ALDH18A1: variants seen among roughly 807,000 people sequenced by gnomAD.
ALDH18A1 encodes delta-1-pyrroline-5-carboxylate synthase.
Under a neutral mutation model 88.8 loss-of-function variants are expected in ALDH18A1, and 44 were observed. The ratio of observed to expected loss-of-function variants is 0.50; its 90% CI spans 0.39 to 0.64. The LOEUF (loss-of-function observed/expected upper bound fraction) is 0.64, where lower values mean the gene tolerates loss of function less well. Ranked by LOEUF, ALDH18A1 falls within the 30% of genes least tolerant of loss-of-function variation. ALDH18A1 has a pLI of 0.00. For synonymous variants in ALDH18A1, 331 were observed against 372.1 expected, an observed-to-expected ratio of 0.89 and a Z score of 1.27; for missense variants, 782 against 1,009.5, an observed-to-expected ratio of 0.77 and a Z score of 3.05.
At chr10:95,614,200 G>A (rs374738903) in intron 13 of ALDH18A1, 39 bp from the exon 14 acceptor site, 28 of 1,599,460 alleles carry the variant, frequency 1.8e-5, no homozygotes, top group Non-Finnish European at 2.1e-5. Flanking sequence ...GATGACATCT[G>A]ACCACACAAA....
chr10:95,623,268 T>C (rs1185999027), intron 11 of ALDH18A1, among the ~76,000 whole-genome samples: 1 of 152,238 alleles, frequency 6.6e-6, no homozygotes, highest in Non-Finnish European at 1.5e-5. Flanking sequence ...TCTTAATTAC[T>C]ACTAAATATT....
At position 95,625,400 on chromosome 10, in the gene ALDH18A1, A is replaced by G. The variant is rs1279987634; in HGVS notation, c.1208T>C (p.Ile403Thr). The G allele has an allele frequency of 6.2e-7, 1 of 1,614,028 alleles. No individual in the cohort carries two copies. The highest frequency in any genetic ancestry group is 8.5e-7 in the Non-Finnish European group (1 of 1,179,984). The change falls in exon 11 of 18, where the codon ATC becomes ACC. Residue 403 changes from isoleucine (I) to threonine (T), a missense_variant. Physicochemically the swap from Ile to Thr is moderately conservative, Grantham distance 89. This residue lies in a region of ALDH18A1 where 556 missense variants were observed against 654.5 expected (regional missense o/e 0.85). Transcript: ENST00000371224. ...ADLLTDQRDEILLANKKDLEE... is the reference protein window; with the variant it reads ...ADLLTDQRDETLLANKKDLEE... Reference sequence around the variant, plus strand: ...CAAGTCTTTTTTGTTGGCTAACAGGATCTCATCACGCTGGTCCGTCAACAG... The same window carrying G: ...CAAGTCTTTTTTGTTGGCTAACAGGGTCTCATCACGCTGGTCCGTCAACAG...
intron 7 of ALDH18A1, 117 bp from the exon 8 acceptor site, chr10:95,628,609 A>T (rs2097863741): frequency 8.0e-7 from 1 of 1,252,394 alleles, no homozygotes; most frequent in Non-Finnish European, 1.1e-6. Flanking sequence ...ATTCCACTGC[A>T]CTACCACCTG....
At chr10:95,616,835 G>A (rs571090744) in intron 12 of ALDH18A1, 11 of 630,204 alleles carry the variant, frequency 1.7e-5, no homozygotes, top group Middle Eastern at 4.3e-4. Flanking sequence ...ATGACTCCCC[G>A]AAGTCACACA....
rs2097918577 is a variant in ALDH18A1, at chr10:95,656,634, C to G, written c.-66G>C. On this transcript the variant is annotated 5_prime_UTR_variant, in exon 1 of 18. Coordinates refer to ENST00000371224, the MANE Select transcript of ALDH18A1 (RefSeq NM_002860.4). ...CGCCGCCTTCGCCCCCTGGCACTAC[C>G]GCGGGTCCGCACTCCACGCCGGGCT... is the stretch of plus-strand genomic sequence containing the variant. 6.6e-6 allele frequency: 1 copy of G among 150,590 alleles called. No individual in the cohort carries two copies. 9.3% of individuals were successfully genotyped at this position (150,590 alleles called of 1,614,324 possible). A position where few individuals can be genotyped will look rare whatever the true frequency, so the allele number is the denominator to read the frequency against.
chr10:95,629,548 C>T (rs2097865075), intron 7 of ALDH18A1, among the ~76,000 whole-genome samples: 1 of 152,058 alleles, frequency 6.6e-6, no homozygotes, highest in African/African-American at 2.4e-5. Context: ...CCTACTACTC[C>T]ACAACTCTCC....
At chr10:95,643,232 G>GA in intron 2 of ALDH18A1, 26 bp from the exon 3 acceptor site, 1 of 1,605,462 alleles carries the variant, frequency 6.2e-7, no homozygotes, top group South Asian at 1.1e-5. Flanking sequence ...TCAAATGCAA[G>GA]AAAAAAAGAA....
chr10:95,633,462 T>G, intron 6 of ALDH18A1, 29 bp downstream of exon 6: 1 of 1,613,948 alleles, frequency 6.2e-7, no homozygotes, highest in Non-Finnish European at 8.5e-7. Context: ...GTCTCCAGCA[T>G]GCTAAACCCT....
intron 1 of ALDH18A1, 54 bp downstream of exon 1, chr10:95,656,541 GCA>G (rs1283527194): frequency 6.6e-6 from 1 of 152,302 alleles, no homozygotes. Context: ...GCCTGGGCGC[GCA>G]ACAGCTTCCG....
intron 17 of ALDH18A1, 60 bp from the exon 18 acceptor site, chr10:95,607,003 C>T (rs2097824036): frequency 6.5e-7 from 1 of 1,528,546 alleles, no homozygotes; most frequent in African/African-American, 1.4e-5. Flanking sequence ...CTGTCCATGC[C>T]CCAGACCCAC....
chr10:95,647,055 T>C (rs956999938), intron 2 of ALDH18A1, among the ~76,000 whole-genome samples: 1 of 152,192 alleles, frequency 6.6e-6, no homozygotes, highest in African/African-American at 2.4e-5. Flanking sequence ...GCCTTTCTTT[T>C]CTTTTTTTTT....
At chr10:95,654,631 A>T (rs977415458) in intron 1 of ALDH18A1, among the ~76,000 whole-genome samples, 1 of 151,408 alleles carries the variant, frequency 6.6e-6, no homozygotes, top group Non-Finnish European at 1.5e-5. Context: ...TTTACAATTT[A>T]TACTGCACAA....
chr10:95,632,356 G>T (rs1433782933), intron 7 of ALDH18A1, among the ~76,000 whole-genome samples: 2 of 152,162 alleles, frequency 1.3e-5, no homozygotes, highest in East Asian at 1.9e-4. Flanking sequence ...TCACTGAATT[G>T]TAAACTTTTA....
rs373404824 is a variant in ALDH18A1, at chr10:95,621,168, C to G, written c.1330G>C (p.Ala444Pro). 1 of 1,613,934 alleles carries G rather than the reference C, an allele frequency of 6.2e-7. No individual in the cohort carries two copies. Among genetic ancestry groups the G allele is most frequent in the Non-Finnish European group, 8.5e-7 (1 of 1,180,024 alleles). ...CCCACGCTGTCCTGGGAGGAGGCTG[C>G]GATCTGTCGCAGACCGATGGCCAGG... ...NSLAIGLRQI[A>P]ASSQDSVGRV... The change falls in exon 12 of 18, where the codon GCA becomes CCA. Residue 444 changes from alanine to proline, a missense_variant. Physicochemically the swap from Ala to Pro is conservative, Grantham distance 27. This residue lies in a region of ALDH18A1 where 556 missense variants were observed against 654.5 expected (regional missense o/e 0.85). Transcript: ENST00000371224.
chr10:95,641,076 C>T (rs931547870), intron 3 of ALDH18A1, among the ~76,000 whole-genome samples: 4 of 151,262 alleles, frequency 2.6e-5, no homozygotes, highest in Non-Finnish European at 4.4e-5. Flanking sequence ...TGTCCCTTCC[C>T]CAGAACCACT....
At chr10:95,646,818 T>A (rs991238091) in intron 2 of ALDH18A1, among the ~76,000 whole-genome samples, 10 of 152,120 alleles carry the variant, frequency 6.6e-5, no homozygotes, top group Non-Finnish European at 2.9e-5. Context: ...TGTGGCATGG[T>A]GGGGGATGGG....
At chr10:95,635,058 T>G (rs2097877997) in intron 5 of ALDH18A1, among the ~76,000 whole-genome samples, 1 of 152,138 alleles carries the variant, frequency 6.6e-6, no homozygotes, top group African/African-American at 2.4e-5. Context: ...GAAAAATAAT[T>G]CACTCACTCG....
At chr10:95,626,603 T>A in intron 10 of ALDH18A1, 100 bp downstream of exon 10, 3 of 1,104,754 alleles carry the variant, frequency 2.7e-6, no homozygotes, top group Admixed American at 1.8e-5. Flanking sequence ...ACTCTGTGGC[T>A]CACTAGGAAT....
chr10:95,627,423 C>T lies in ALDH18A1; in HGVS notation c.1078+19G>A, dbSNP rs1277904068. The T allele has an allele frequency of 1.2e-6, 2 of 1,613,890 alleles. No homozygotes were observed. Among genetic ancestry groups the T allele is most frequent in the African/African-American group, 2.7e-5 (2 of 74,930 alleles). ...TAGTTCCCATCACAGGCCTTGGGAC[C>T]TTATGAAGAACTATTTACCTGCAGG... On this transcript the variant is annotated intron_variant, in intron 9 of 17. Transcript: ENST00000371224.
Sources: allele counts gnomAD v4.1 joint callset (sites outside exome capture counted in the v4.1 genomes callset), GRCh38; gene constraint gnomAD v4.1.1; regional missense constraint gnomAD v4.1.1; transcripts MANE v1.5; gene names NCBI Gene and HGNC (gene_info 2026-07-23, HGNC 2026-07-21).